PCDHGB6: variants seen among roughly 807,000 people sequenced by gnomAD.
PCDHGB6 encodes protocadherin gamma subfamily B, 6, also known as protocadherin gamma-B6.
In PCDHGB6, 51 loss-of-function variants were observed where a neutral mutation model predicts 59.1. The ratio of observed to expected loss-of-function variants is 0.86; its 90% CI spans 0.69 to 1.09. The LOEUF is 1.09. PCDHGB6 is among the 50% of genes least tolerant of loss of function. The pLI is 0.00. For synonymous variants in PCDHGB6, 466 were observed against 495.1 expected (o/e 0.94, Z 0.78); for missense variants, 1,148 against 1,205.1 (o/e 0.95, Z 0.70).
Position 141,491,699 on chromosome 5 carries a change from A to G in PCDHGB6, c.2419-3108A>G. The G allele has an allele frequency of 6.2e-7, 1 of 1,612,008 alleles. No individual in the cohort carries two copies. The highest frequency in any genetic ancestry group is 1.1e-5 in the South Asian group (1 of 90,926). ...TCTAATACGCTGCGGGAGCGGAGCC[A>G]GGTGAGGGGCTCGGCGCCGCCCCGG... On this transcript the variant is annotated intron_variant, in intron 1 of 3. Transcript: ENST00000520790. The surrounding 1 kb of genome is among the most constrained non-coding windows in gnomAD (Gnocchi z 6.9).
intron 2 of PCDHGB6, among the ~76,000 whole-genome samples, chr5:141,500,023 G>C (rs1393994881): frequency 1.3e-5 from 2 of 151,754 alleles, no homozygotes; most frequent in Admixed American, 6.6e-5. Flanking sequence ...TTTTATATTT[G>C]AGTGAGTGTC....
intron 1 of PCDHGB6, chr5:141,419,310 A>G: frequency 6.2e-7 from 1 of 1,613,948 alleles, no homozygotes; most frequent in Non-Finnish European, 8.5e-7. Flanking sequence ...TTCGGGCTCA[A>G]CGGCCGTGTC....
chr5:141,477,775 G>T lies in PCDHGB6; in HGVS notation c.2419-17032G>T. 2 of 1,614,046 alleles carry T rather than the reference G, an allele frequency of 1.2e-6. No individual in the cohort carries two copies. The highest frequency in any genetic ancestry group is 2.7e-5 in the African/African-American group (2 of 75,052). On this transcript the variant is annotated intron_variant, in intron 1 of 3. Transcript: ENST00000520790. The surrounding 1 kb of genome is among the most constrained non-coding windows in gnomAD (Gnocchi z 4.9). ...CGGTCCTAGCCACCAACATCAGCGT[G>T]AACATATTTGTCACTGATCGCAATG...
chr5:141,420,415 T>A, intron 1 of PCDHGB6: 1 of 1,217,296 alleles, frequency 8.2e-7, no homozygotes, highest in Non-Finnish European at 1.1e-6. Context: ...TTATCATTAT[T>A]AAAACAAAAG....
In PCDHGB6 at chr5:141,409,748, G is replaced by A. The variant is rs2095311209; in HGVS notation, c.1546G>A (p.Ala516Thr). Residue 516 changes from alanine to threonine, a missense_variant, in exon 1 of 4, where the codon GCG (alanine) becomes ACG (threonine). By Grantham distance (58) the Ala-to-Thr change is moderately conservative. Transcript: ENST00000520790. ...SVSAQSGVVFAQRAFDHEQLR... is the reference protein window; with the variant it reads ...SVSAQSGVVFTQRAFDHEQLR... The stretch of plus-strand genomic sequence containing the variant: ...GAGCGCGCAGAGCGGGGTGGTGTTC[G>A]CGCAGCGCGCCTTTGATCACGAGCA... The A allele has an allele frequency of 6.2e-7, 1 of 1,613,018 alleles. No homozygotes were observed. The highest frequency in any genetic ancestry group is 8.5e-7 in the Non-Finnish European group (1 of 1,179,860).
chr5:141,511,320 A>G lies in PCDHGB6; in HGVS notation c.*147A>G. ...CATGCTCCCCTTGGGAAACAGAAAC[A>G]AGTGCCCAGTCAGCACCTACCCCTT... On this transcript the variant is annotated 3_prime_UTR_variant, in exon 4 of 4. Transcript: ENST00000520790. 6.8e-7 allele frequency: 1 copy of G among 1,475,678 alleles called. No homozygotes were observed. The highest frequency in any genetic ancestry group is 1.4e-5 in the South Asian group (1 of 72,746). 91.4% of individuals were successfully genotyped at this position (1,475,678 alleles called of 1,614,324 possible).
intron 1 of PCDHGB6, among the ~76,000 whole-genome samples, chr5:141,444,150 GGATT>G (rs2098419499): frequency 1.8e-5 from 2 of 114,014 alleles, no homozygotes; most frequent in Non-Finnish European, 1.7e-5. Flanking sequence ...TGTGTGTACT[GGATT>G]TTTTTTTTTT....
chr5:141,477,884 G>A lies in PCDHGB6; in HGVS notation c.2419-16923G>A. On this transcript the variant is annotated intron_variant, in intron 1 of 3. Transcript: ENST00000520790. The surrounding 1 kb of genome is among the most constrained non-coding windows in gnomAD (Gnocchi z 4.9). ...TCGAGGTACCTCAGCTGGCCACCTA[G>A]TGTCACGGGTGGTAGGCTGGGACGC... 6.2e-7 allele frequency: 1 copy of A among 1,614,190 alleles called. No homozygotes were observed. The highest frequency in any genetic ancestry group is 8.5e-7 in the Non-Finnish European group (1 of 1,180,036).
intron 1 of PCDHGB6, chr5:141,422,646 C>T (rs748692494): frequency 5.0e-6 from 8 of 1,611,836 alleles, no homozygotes; most frequent in Non-Finnish European, 6.8e-6. Flanking sequence ...CCTCCATCTT[C>T]TCAGTGACCG....
Position 141,486,070 on chromosome 5 carries a change from T to C in PCDHGB6, c.2419-8737T>C. ...ACCTCTTTAGCCTGCACCCCACTAC[T>C]GGAAAGCTTACTCTTTTGGGGCCCC... On this transcript the variant is annotated intron_variant, in intron 1 of 3. Coordinates refer to ENST00000520790, the MANE Select transcript of PCDHGB6 (RefSeq NM_018926.3). The surrounding 1 kb of genome is among the most constrained non-coding windows in gnomAD (Gnocchi z 5.0). 6.2e-7 allele frequency: 1 copy of C among 1,614,158 alleles called. No homozygotes were observed. The highest frequency in any genetic ancestry group is 8.5e-7 in the Non-Finnish European group (1 of 1,180,010).
At chr5:141,437,096 C>T (rs989863634) in intron 1 of PCDHGB6, among the ~76,000 whole-genome samples, 6 of 152,122 alleles carry the variant, frequency 3.9e-5, no homozygotes, top group Non-Finnish European at 8.8e-5. Context: ...AAACTAACGG[C>T]TTAGCTTTAG....
At chr5:141,448,480 C>A (rs889742803) in intron 1 of PCDHGB6, among the ~76,000 whole-genome samples, 1 of 152,184 alleles carries the variant, frequency 6.6e-6, no homozygotes, top group Admixed American at 6.6e-5. Flanking sequence ...ACCCTTGCTT[C>A]CTCCTGTCCC....
rs115565444 is a variant in PCDHGB6, at chr5:141,487,520, G to A, written c.2419-7287G>A. On this transcript the variant is annotated intron_variant, in intron 1 of 3. Transcript: ENST00000520790. This position sits in a 1 kb window ranked among gnomAD's most constrained non-coding sequence, Gnocchi z 5.0. ...CTTGGCTTCTGCACCCACTCGGAGT[G>A]ATAGCTTCATGATGGTGAAGTCACC... is the stretch of plus-strand genomic sequence containing the variant. The A allele has an allele frequency of 3.3e-4, 540 of 1,614,166 alleles. 6 individuals carry two copies. The East Asian group carries it at 8.7e-3, about 26-fold the overall frequency.
Position 141,428,104 on chromosome 5 carries a change from T to C in PCDHGB6, c.2418+17484T>C, listed in dbSNP as rs751953406. ...AACGCTTGGCTGTCCTACCACGTGCTGCAGGCCATCGAGCCCGGGCTTTTC... is the reference window on the plus strand; with the variant it reads ...AACGCTTGGCTGTCCTACCACGTGCCGCAGGCCATCGAGCCCGGGCTTTTC... On this transcript the variant is annotated intron_variant, in intron 1 of 3. Coordinates refer to ENST00000520790, the MANE Select transcript of PCDHGB6 (RefSeq NM_018926.3). The C allele has an allele frequency of 1.9e-6, 3 of 1,608,398 alleles. No individual in the cohort carries two copies. The South Asian group carries it at 3.3e-5, about 18-fold the overall frequency.
Position 141,490,754 on chromosome 5 carries a change from CCTT to C in PCDHGB6, c.2419-4052_2419-4050del, listed in dbSNP as rs775582875. ...CAGGTTCAGGGAGCCCCAGCCTCCT[CCTT>C]TGTGTATGTCAACCCAGAGGATGGA... On this transcript the variant is annotated intron_variant, in intron 1 of 3. Transcript: ENST00000520790. The surrounding 1 kb of genome is among the most constrained non-coding windows in gnomAD (Gnocchi z 5.4). 3.1e-6 allele frequency: 5 copies of C among 1,614,200 alleles called. No individual in the cohort carries two copies. The highest frequency in any genetic ancestry group is 3.4e-6 in the Non-Finnish European group (4 of 1,180,038).
chr5:141,477,268 C>T lies in PCDHGB6; in HGVS notation c.2419-17539C>T. ...TGACTGACCTGGATGCTGGCGAGAA[C>T]GGGCTGGTGACCTGCGAAGTTCCAC... On this transcript the variant is annotated intron_variant, in intron 1 of 3. Transcript: ENST00000520790. The surrounding 1 kb of genome is among the most constrained non-coding windows in gnomAD (Gnocchi z 4.9). The T allele has an allele frequency of 6.2e-7, 1 of 1,614,196 alleles. No individual in the cohort carries two copies. The highest frequency in any genetic ancestry group is 8.5e-7 in the Non-Finnish European group (1 of 1,180,030).
At chr5:141,445,573 A>G (rs1311326050) in intron 1 of PCDHGB6, among the ~76,000 whole-genome samples, 1 of 152,248 alleles carries the variant, frequency 6.6e-6, no homozygotes, top group Admixed American at 6.5e-5. Flanking sequence ...AGCTTATAGT[A>G]GGGAAGCTTC....
rs1327610213 is a variant in PCDHGB6 at position 141,423,493 on chromosome 5, C to T, written c.2418+12873C>T. 5 of 1,613,984 alleles carry T rather than the reference C, an allele frequency of 3.1e-6. No homozygotes were observed. In the South Asian group the frequency reaches 5.5e-5, roughly 18 times the overall value. On this transcript the variant is annotated intron_variant, in intron 1 of 3. Coordinates refer to ENST00000520790, the MANE Select transcript of PCDHGB6 (RefSeq NM_018926.3). The stretch of plus-strand genomic sequence containing the variant: ...ACAGGCTTTCCTGCAAACCTATTCC[C>T]ACGAGGTCTCTCTCATTGCGGACTC...
chr5:141,417,004 AT>A (rs1462550813), intron 1 of PCDHGB6: 1 of 149,888 alleles, frequency 6.7e-6, no homozygotes, highest in African/African-American at 2.5e-5. Context: ...ATCTCAAATA[AT>A]TCTATTATTT....
Sources: gnomAD v4.1 joint callset for allele counts (sites outside exome capture counted in the v4.1 genomes callset) on GRCh38, gnomAD v4.1.1 for gene constraint, Gnocchi (gnomAD v3.1) non-coding constraint, MANE v1.5 for transcripts, NCBI Gene and HGNC (gene_info 2026-07-23, HGNC 2026-07-21) for gene names.